Variants in BICD2 observed in about 807,000 individuals in gnomAD.
BICD2 encodes BICD cargo adaptor 2.
In BICD2, 25 loss-of-function variants were observed where a neutral mutation model predicts 72.9. The observed-to-expected ratio is 0.34, with a 90% CI of 0.25 to 0.48. The LOEUF (loss-of-function observed/expected upper bound fraction) is 0.48, where lower values mean the gene tolerates loss of function less well. BICD2 is among the 20% of genes least tolerant of loss of function. BICD2 has a pLI of 0.99. For synonymous variants in BICD2, 501 were observed against 516.1 expected (o/e 0.97, Z 0.40); for missense variants, 894 against 1,175.2 (o/e 0.76, Z 3.50).
At chr9:92,723,257 C>T (rs950204454) in intron 2 of BICD2, among the ~76,000 whole-genome samples, 6 of 152,314 alleles carry the variant, frequency 3.9e-5, no homozygotes, top group African/African-American at 1.4e-4. Context: ...AGAAACCGGT[C>T]CACACATGTT....
In BICD2 at chr9:92,718,919, C is replaced by T; in HGVS notation, c.1726G>A (p.Glu576Lys). The T allele has an allele frequency of 2.5e-6, 4 of 1,606,618 alleles. No homozygotes were observed. Among genetic ancestry groups the T allele is most frequent in the East Asian group, 2.2e-5 (1 of 44,782 alleles). Residue 576 changes from glutamate to lysine, a missense_variant, in exon 5 of 7, where the codon GAG (glutamate) becomes AAG (lysine). By Grantham distance (56) the Glu-to-Lys change is moderately conservative. This residue lies in a region of BICD2 where 321 missense variants were observed against 443.9 expected (regional missense o/e 0.72). Coordinates refer to ENST00000356884, the MANE Select transcript of BICD2 (RefSeq NM_001003800.2). ...ATGGGTGAGCGCCGGCCACGCGCCTCGGGGCTGGTGCGGCCCCCGGGACTG... is the reference window on the plus strand; with the variant it reads ...ATGGGTGAGCGCCGGCCACGCGCCTTGGGGCTGGTGCGGCCCCCGGGACTG... ...RTSPGGRTSP[E>K]ARGRRSPILL...
At chr9:92,744,140 C>T (rs1220371788) in intron 1 of BICD2, among the ~76,000 whole-genome samples, 1 of 152,196 alleles carries the variant, frequency 6.6e-6, no homozygotes, top group African/African-American at 2.4e-5. Context: ...CTGAAAACAA[C>T]CCCAGGGTCG....
At chr9:92,762,896 G>A (rs1854400349) in intron 1 of BICD2, among the ~76,000 whole-genome samples, 1 of 152,160 alleles carries the variant, frequency 6.6e-6, no homozygotes, top group African/African-American at 2.4e-5. Flanking sequence ...TGCTGGAGAG[G>A]GTGAGCCCCG....
At chr9:92,763,849 C>T (rs1226300962) in intron 1 of BICD2, among the ~76,000 whole-genome samples, 1 of 152,162 alleles carries the variant, frequency 6.6e-6, no homozygotes, top group Non-Finnish European at 1.5e-5. Context: ...GAGCGCAATC[C>T]CGGCCATGAG....
chr9:92,718,713 G>A lies in BICD2; in HGVS notation c.1932C>T (p.Ala644=), dbSNP rs201930889. The change falls in exon 5 of 7, where the codon GCC becomes GCT. Residue 644 remains alanine, a synonymous_variant. Transcript: ENST00000356884. ...GTGACAGCTCCGTGGTGCGGTCCAC[G>A]GCTGCCTGCAGGTGCTTGATCTGGT... ...IRDQIKHLQA[A]VDRTTELSRQ... is the part of the protein sequence containing the mutation. The A allele has an allele frequency of 2.9e-5, 47 of 1,614,116 alleles. 1 individual carries two copies. Among genetic ancestry groups the A allele is most frequent in the East Asian group, 2.7e-4 (12 of 44,872 alleles).
At chr9:92,740,088 A>C (rs1853869764) in intron 1 of BICD2, among the ~76,000 whole-genome samples, 1 of 152,238 alleles carries the variant, frequency 6.6e-6, no homozygotes, top group African/African-American at 2.4e-5. Flanking sequence ...CAAACAGCCT[A>C]GTACAAAATA....
rs1303720555 is a variant in BICD2, at chr9:92,721,717, C to T, written c.606+939G>A. ...CAGAGAGGGAGAGAGAGTCAGACTC[C>T]ACTAAGCGCCAACCTGAGGACAGGG... On this transcript the variant is annotated intron_variant, in intron 3 of 6. Coordinates refer to ENST00000356884, the MANE Select transcript of BICD2 (RefSeq NM_001003800.2). 2.6e-5 allele frequency among the ~76,000 whole-genome samples: 4 copies of T among 152,176 alleles called. 1 individual carries two copies. Among genetic ancestry groups the T allele is most frequent in the African/African-American group, 9.7e-5 (4 of 41,444 alleles).
At chr9:92,751,806 A>ATTTT (rs200906851) in intron 1 of BICD2, among the ~76,000 whole-genome samples, 21 of 141,088 alleles carry the variant, frequency 1.5e-4, no homozygotes, top group East Asian at 2.1e-4. Context: ...CACTAACTGC[A>ATTTT]TTTTTTTTTT....
chr9:92,758,260 T>C (rs1854302751), intron 1 of BICD2, among the ~76,000 whole-genome samples: 1 of 142,844 alleles, frequency 7.0e-6, no homozygotes, highest in Non-Finnish European at 1.5e-5. Context: ...AAGTAAATAA[T>C]GAGTAAAGCA....
intron 1 of BICD2, among the ~76,000 whole-genome samples, chr9:92,748,591 C>T (rs559764267): frequency 6.6e-6 from 1 of 152,052 alleles, no homozygotes; most frequent in East Asian, 1.9e-4. Flanking sequence ...ACACAATGAC[C>T]CACCCAGTGG....
In BICD2 at chr9:92,713,944, A is replaced by G; in HGVS notation, c.*1210T>C. 5 of 991,112 alleles carry G rather than the reference A, an allele frequency of 5.0e-6. No individual in the cohort carries two copies. The highest frequency in any genetic ancestry group is 6.0e-6 in the Non-Finnish European group (5 of 833,222). 61.4% of individuals were successfully genotyped at this position (991,112 alleles called of 1,614,324 possible). ...AGCAGCCTGCAGGAGAGAAGACTGC[A>G]GCCTCAGGTCCAGCTGGTCCCACAG... is the stretch of plus-strand genomic sequence containing the variant. On this transcript the variant is annotated 3_prime_UTR_variant, in exon 7 of 7. Transcript: ENST00000356884.
intron 1 of BICD2, among the ~76,000 whole-genome samples, chr9:92,756,447 G>A (rs899366707): frequency 3.3e-5 from 5 of 151,694 alleles, no homozygotes; most frequent in Middle Eastern, 3.2e-3. Flanking sequence ...ATTTTTAGTA[G>A]AGACGGGGTT....
At chr9:92,763,071 G>GC (rs1468663976) in intron 1 of BICD2, among the ~76,000 whole-genome samples, 1 of 152,168 alleles carries the variant, frequency 6.6e-6, no homozygotes, top group Admixed American at 6.5e-5. Context: ...TGCAGAAGGT[G>GC]CCAATACCTG....
chr9:92,719,061 C>T lies in BICD2; in HGVS notation c.1584G>A (p.Val528=), dbSNP rs1361569823. The change falls in exon 5 of 7, where the codon GTG becomes GTA. Residue 528 remains valine (V), a synonymous_variant. Coordinates refer to ENST00000356884, the MANE Select transcript of BICD2 (RefSeq NM_001003800.2). ...GSLSVAQDEL[V]TFSEELANLY... Reference sequence around the variant, plus strand: ...GATTGGCCAGCTCCTCACTGAAGGTCACCAGCTCATCCTGGGCCACACTCA... The same window carrying T: ...GATTGGCCAGCTCCTCACTGAAGGTTACCAGCTCATCCTGGGCCACACTCA... 4 of 1,612,960 alleles carry T rather than the reference C, an allele frequency of 2.5e-6. No individual in the cohort carries two copies. Among genetic ancestry groups the T allele is most frequent in the African/African-American group, 1.3e-5 (1 of 74,938 alleles).
chr9:92,712,957 T>C lies in BICD2; in HGVS notation c.*2197A>G, dbSNP rs2131493197. On this transcript the variant is annotated 3_prime_UTR_variant, in exon 7 of 7. Coordinates refer to ENST00000356884, the MANE Select transcript of BICD2 (RefSeq NM_001003800.2). ...CATCTCCGAGTCTAAAGCTACACGC[T>C]ATGGAGCACACAGCTCTGCCTCGTG... is the stretch of plus-strand genomic sequence containing the variant. 6.3e-6 allele frequency: 1 copy of C among 158,684 alleles called. No homozygotes were observed. Among genetic ancestry groups the C allele is most frequent in the East Asian group, 1.8e-4 (1 of 5,518 alleles). The allele number at this position is 158,684 out of a possible 1,614,324, so 9.8% of individuals were successfully genotyped here. A position where few individuals can be genotyped will look rare whatever the true frequency, so the allele number is the denominator to read the frequency against.
intron 1 of BICD2, among the ~76,000 whole-genome samples, chr9:92,750,726 A>T (rs1055066279): frequency 6.6e-6 from 1 of 152,154 alleles, no homozygotes; most frequent in African/African-American, 2.4e-5. Flanking sequence ...ATGCCACTGC[A>T]TTTATAAAAA....
chr9:92,720,360 G>A lies in BICD2; in HGVS notation c.1002C>T (p.Ser334=), dbSNP rs1403546969. 2.0e-5 allele frequency: 32 copies of A among 1,613,858 alleles called. No individual in the cohort carries two copies. Among genetic ancestry groups the A allele is most frequent in the South Asian group, 3.3e-5 (3 of 91,076 alleles). ...GLAPPSPSLV[S]DLLSELNISE... The stretch of plus-strand genomic sequence containing the variant: ...AGATGTTGAGCTCACTGAGTAGGTC[G>A]GAGACGAGGCTGGGGGAGGGCGGTG... Residue 334 remains serine (S), a synonymous_variant, in exon 4 of 7, where the codon TCC becomes TCT. Transcript: ENST00000356884. This position sits in a 1 kb window ranked among gnomAD's most constrained non-coding sequence, Gnocchi z 5.4.
At chr9:92,733,409 G>A (rs183668452) in intron 1 of BICD2, among the ~76,000 whole-genome samples, 7 of 151,708 alleles carry the variant, frequency 4.6e-5, no homozygotes, top group Non-Finnish European at 8.8e-5. Context: ...GTGGTGGCGG[G>A]TGCCTGTAAT....
Position 92,712,598 on chromosome 9 carries a change from A to T in BICD2, c.*2556T>A, listed in dbSNP as rs1254659693. The T allele has an allele frequency of 6.6e-6, 1 of 152,600 alleles. No homozygotes were observed. The highest frequency in any genetic ancestry group is 1.9e-4 in the East Asian group (1 of 5,202). 9.5% of individuals were successfully genotyped at this position (152,600 alleles called of 1,614,324 possible). A position where few individuals can be genotyped will look rare whatever the true frequency, so the allele number is the denominator to read the frequency against. ...TGGTACAGTTGTATAAAATTCTGTT[A>T]ATCAGTCATGCTTCACAACGTCCTA... On this transcript the variant is annotated 3_prime_UTR_variant, in exon 7 of 7. Coordinates refer to ENST00000356884, the MANE Select transcript of BICD2 (RefSeq NM_001003800.2).
Sources: gnomAD v4.1 joint callset for allele counts (sites outside exome capture counted in the v4.1 genomes callset) on GRCh38, gnomAD v4.1.1 for gene constraint, gnomAD v4.1.1 regional missense constraint, Gnocchi (gnomAD v3.1) non-coding constraint, MANE v1.5 for transcripts, NCBI Gene and HGNC (gene_info 2026-07-23, HGNC 2026-07-21) for gene names.